Variants in DQX1 observed in about 807,000 individuals in gnomAD.
DQX1 encodes ATP-dependent RNA helicase homolog DQX1.
In DQX1, 66 loss-of-function variants were observed where a neutral mutation model predicts 81.3. The observed-to-expected ratio is 0.81, with a 90% CI of 0.67 to 1.00. The LOEUF is 1.00. Ranked by LOEUF, DQX1 falls within the 50% of genes least tolerant of loss-of-function variation. The pLI, the probability that DQX1 is intolerant of heterozygous loss-of-function variation, is 0.00. For missense variants in DQX1, 798 were observed against 867.9 expected (o/e 0.92, Z 1.01); for synonymous variants, 290 against 350.0 (o/e 0.83, Z 1.91).
At chr2:74,519,361 TGTCTG>T (rs1343424467) in intron 10 of DQX1, 131 bp from the exon 11 acceptor site, 2 of 1,251,794 alleles carry the variant, frequency 1.6e-6, no homozygotes, top group Non-Finnish European at 2.2e-6. Context: ...CTCTAGGTGT[TGTCTG>T]GTCTCTACTA....
chr2:74,520,583 T>C (rs1572983987), intron 8 of DQX1, among the ~76,000 whole-genome samples: 1 of 152,056 alleles, frequency 6.6e-6, no homozygotes, highest in African/African-American at 2.4e-5. Flanking sequence ...TAGGTATAGG[T>C]AAGGTCATGA....
Position 74,525,199 on chromosome 2 carries a change from G to T in DQX1, c.241C>A (p.Pro81Thr). 1 of 1,554,592 alleles carries T rather than the reference G, an allele frequency of 6.4e-7. No individual in the cohort carries two copies. The highest frequency in any genetic ancestry group is 2.3e-5 in the East Asian group (1 of 42,790). ...AGCGCAAACTCTGCACACCACTGAG[G>T]GATCTGGGATAGAAGTAGGGAAGGA... Reference protein sequence around the residue: ...EPGSGKSTQIPQWCAEFALAR... With the variant: ...EPGSGKSTQITQWCAEFALAR... Residue 81 changes from proline (P) to threonine (T), a missense_variant, in exon 3 of 12, where the codon CCT (proline) becomes ACT (threonine). Transcript: ENST00000404568. The surrounding 1 kb of genome is among the most constrained non-coding windows in gnomAD (Gnocchi z 4.1).
At chr2:74,519,303 G>T in intron 10 of DQX1, 73 bp from the exon 11 acceptor site, 1 of 1,468,240 alleles carries the variant, frequency 6.8e-7, no homozygotes, top group Non-Finnish European at 9.2e-7. Context: ...AATAAAAGGG[G>T]ATTGAGAAAG....
At chr2:74,523,248 A>T in intron 5 of DQX1, 30 bp from the exon 6 acceptor site, 1 of 1,614,184 alleles carries the variant, frequency 6.2e-7, no homozygotes, top group Non-Finnish European at 8.5e-7. Context: ...CAAGGCCAAG[A>T]CAGATCAGAG....
chr2:74,524,946 A>T, intron 3 of DQX1, 63 bp downstream of exon 3: 1 of 1,537,630 alleles, frequency 6.5e-7, no homozygotes, highest in Non-Finnish European at 8.8e-7. Context: ...ATGCCAGAGG[A>T]ATGGGTTTGT....
intron 8 of DQX1, 145 bp downstream of exon 8, chr2:74,522,435 A>T: frequency 1.1e-6 from 1 of 924,982 alleles, no homozygotes; most frequent in South Asian, 1.8e-5. Flanking sequence ...CAAGAGGGAG[A>T]TGGGTGACTA....
At position 74,525,594 on chromosome 2, in the gene DQX1, G is replaced by T. The variant is rs751119773; in HGVS notation, c.136C>A (p.Pro46Thr). The change falls in exon 2 of 12, where the codon CCC (proline) becomes ACC (threonine). Residue 46 changes from proline to threonine, a missense_variant. Pro to Thr is a conservative substitution (Grantham distance 38, BLOSUM62 -1). Transcript: ENST00000404568. This position sits in a 1 kb window ranked among gnomAD's most constrained non-coding sequence, Gnocchi z 4.1. The part of the protein sequence containing the change: ...YELLKQRQAL[P>T]IWAARFTFLE... ...AAGGTAAAGCGAGCAGCCCAGATGG[G>T]CAAGGCTTGGCGCTGCTTCAGCAGC... 2.6e-6 allele frequency: 4 copies of T among 1,552,012 alleles called. No homozygotes were observed. The highest frequency in any genetic ancestry group is 3.5e-6 in the Non-Finnish European group (4 of 1,147,068).
intron 5 of DQX1, 29 bp from the exon 6 acceptor site, chr2:74,523,247 G>A: frequency 1.2e-6 from 2 of 1,614,148 alleles, no homozygotes; most frequent in Non-Finnish European, 1.7e-6. Context: ...CCAAGGCCAA[G>A]ACAGATCAGA....
chr2:74,522,495 A>G lies in DQX1; in HGVS notation c.1495+85T>C, dbSNP rs143369491. 5.5e-5 allele frequency: 82 copies of G among 1,498,964 alleles called. No individual in the cohort carries two copies. The African/African-American group carries it at 1.0e-3, about 19-fold the overall frequency. The allele number at this position is 1,498,964 out of a possible 1,614,324, so 92.9% of individuals were successfully genotyped here. ...GGGGTGGCAACTGGAGCAGAGAGGAAAGGGCTAGCCTCAGGAGCACCAAAA... is the reference window on the plus strand; with the variant it reads ...GGGGTGGCAACTGGAGCAGAGAGGAGAGGGCTAGCCTCAGGAGCACCAAAA... On this transcript the variant is annotated intron_variant, in intron 8 of 11. Transcript: ENST00000404568.
chr2:74,524,186 G>A lies in DQX1; in HGVS notation c.553C>T (p.Leu185=). 2 of 1,614,160 alleles carry A rather than the reference G, an allele frequency of 1.2e-6. No individual in the cohort carries two copies. The highest frequency in any genetic ancestry group is 1.7e-6 in the Non-Finnish European group (2 of 1,180,036). ...RSVASDSLQG[L]LQDARLEKLP... ...TTTTCCAGCCTGGCATCTTGCAGTA[G>A]CCCCTGGAGTGAATCTGATGCCACC... Residue 185 remains leucine (L), a synonymous_variant, in exon 4 of 12, where the codon CTA becomes TTA. Coordinates refer to ENST00000404568, the MANE Select transcript of DQX1 (RefSeq NM_133637.3).
intron 6 of DQX1, 50 bp downstream of exon 6, chr2:74,523,069 A>G (rs371529330): frequency 1.7e-5 from 27 of 1,613,884 alleles, no homozygotes; most frequent in Non-Finnish European, 2.1e-5. Flanking sequence ...CAGGGCTTGC[A>G]TGTTGGTGAC....
In DQX1 at chr2:74,525,267, G is replaced by C. The variant is rs543731476; in HGVS notation, c.238-65C>G. On this transcript the variant is annotated intron_variant, in intron 2 of 11. Transcript: ENST00000404568. The surrounding 1 kb of genome is among the most constrained non-coding windows in gnomAD (Gnocchi z 4.1). ...GTAGGACTTCAGTCAGAAGTGCTCA[G>C]GGAACTATGGCCACTTTAATCTTTC... The C allele has an allele frequency of 4.2e-6, 6 of 1,437,304 alleles. No homozygotes were observed. In the Admixed American group the frequency reaches 1.6e-4, roughly 38 times the overall value. 89.0% of individuals were successfully genotyped at this position (1,437,304 alleles called of 1,614,324 possible). A position where few individuals can be genotyped will look rare whatever the true frequency, so the allele number is the denominator to read the frequency against.
intron 4 of DQX1, 34 bp downstream of exon 4, chr2:74,523,889 C>A: frequency 1.3e-6 from 2 of 1,501,542 alleles, no homozygotes; most frequent in South Asian, 2.7e-5. Flanking sequence ...GCTCATTTTG[C>A]AGGCTGTTTT....
rs1228638658 is a variant in DQX1 at position 74,518,445 on chromosome 2, G to C, written c.*1C>G. 6.2e-7 allele frequency: 1 copy of C among 1,614,002 alleles called. No homozygotes were observed. Among genetic ancestry groups the C allele is most frequent in the Non-Finnish European group, 8.5e-7 (1 of 1,179,918 alleles). On this transcript the variant is annotated 3_prime_UTR_variant, in exon 12 of 12. Transcript: ENST00000404568. ...CCAGCTCCATTCCATAGGCAGGCAG[G>C]TCACTGCAGGACACAGGGATCTCTG...
rs145106899 is a variant in DQX1, at chr2:74,519,648, G to A, written c.1714C>T (p.Arg572Ter). 4.7e-4 allele frequency: 760 copies of A among 1,614,188 alleles called. No individual in the cohort carries two copies. The highest frequency in any genetic ancestry group is 5.7e-4 in the Non-Finnish European group (677 of 1,180,034). ...GGTAGGGACAAGGGAAGTTCAATTC[G>A]TTGCATGAGTTCTAGGAGTTCTCCC... The part of the protein sequence containing the change: ...LRGELLELMQ[R>*]IELPLSLPAF... Residue 572 changes from arginine (R) to a stop codon, truncating the protein, a stop_gained, in exon 10 of 12, where the codon CGA becomes TGA. Transcript: ENST00000404568. LOFTEE classifies it high-confidence loss of function.
chr2:74,522,798 T>C, intron 7 of DQX1, 27 bp from the exon 8 acceptor site: 1 of 1,613,284 alleles, frequency 6.2e-7, no homozygotes, highest in Non-Finnish European at 8.5e-7. Context: ...GCTTACAGGA[T>C]ATGAAGTTTC....
chr2:74,518,503 T>C lies in DQX1; in HGVS notation c.2097A>G (p.Thr699=). 1 of 1,614,242 alleles carries C rather than the reference T, an allele frequency of 6.2e-7. No homozygotes were observed. Among genetic ancestry groups the C allele is most frequent in the Non-Finnish European group, 8.5e-7 (1 of 1,180,050 alleles). Residue 699 remains threonine, a synonymous_variant, in exon 12 of 12, where the codon ACA becomes ACG. Transcript: ENST00000404568. ...NQLREGMADS[T]AGSKSSSAQE... is the part of the protein sequence containing the mutation. ...GGGCTGAGGATGATTTGCTCCCTGC[T>C]GTAGAATCTGCCATTCCTTCCCTTA...
chr2:74,526,155 G>A lies in DQX1; in HGVS notation c.-39C>T, dbSNP rs565709938. Reference sequence around the variant, plus strand: ...TCAAACCTGCTTGCAGCTCTAGGACGTGTCAGGACGGCAGTCAGCTCCAGA... The same window carrying A: ...TCAAACCTGCTTGCAGCTCTAGGACATGTCAGGACGGCAGTCAGCTCCAGA... On this transcript the variant is annotated 5_prime_UTR_variant, in exon 1 of 12. In the 5' UTR this introduces an upstream ATG that the reference lacks. Transcript: ENST00000404568. The A allele has an allele frequency of 3.3e-5, 6 of 183,066 alleles. No individual in the cohort carries two copies. Among genetic ancestry groups the A allele is most frequent in the Non-Finnish European group, 5.7e-5 (5 of 87,304 alleles). 11.3% of individuals were successfully genotyped at this position (183,066 alleles called of 1,614,324 possible). A position where few individuals can be genotyped will look rare whatever the true frequency, so the allele number is the denominator to read the frequency against.
chr2:74,525,720 G>A lies in DQX1; in HGVS notation c.10C>T (p.Gln4Ter), dbSNP rs1236878395. The change falls in exon 2 of 12, where the codon CAG becomes TAG. Residue 4 changes from glutamine to a stop codon, truncating the protein, a stop_gained. Transcript: ENST00000404568. LOFTEE classifies it high-confidence loss of function. This position sits in a 1 kb window ranked among gnomAD's most constrained non-coding sequence, Gnocchi z 4.1. ...TACTCTTCTGCTAGCCTGAGAGGCT[G>A]AGAGGTCATGGTGGCTCTCTGGCAG... MTS[Q>*]PLRLAEEYGP... The A allele has an allele frequency of 1.3e-6, 2 of 1,551,538 alleles. No individual in the cohort carries two copies. Among genetic ancestry groups the A allele is most frequent in the Admixed American group, 2.0e-5 (1 of 51,008 alleles).
Sources: gnomAD v4.1 joint callset for allele counts (sites outside exome capture counted in the v4.1 genomes callset) on GRCh38, gnomAD v4.1.1 for gene constraint, Gnocchi (gnomAD v3.1) non-coding constraint, MANE v1.5 for transcripts, NCBI Gene and HGNC (gene_info 2026-07-23, HGNC 2026-07-21) for gene names.